BORCS5: variants seen among roughly 807,000 people sequenced by gnomAD.
BORCS5 encodes BLOC-1 related complex subunit 5, also known as BLOC-1-related complex subunit 5.
Under a neutral mutation model 22.1 loss-of-function variants are expected in BORCS5, and 17 were observed. The observed-to-expected ratio is 0.77, with a 90% CI of 0.53 to 1.15. The LOEUF is 1.15. Among genes scored for constraint, BORCS5 ranks in the 50% most tolerant of loss-of-function variants. BORCS5 has a pLI of 0.00. For synonymous variants in BORCS5, 117 were observed against 99.8 expected (o/e 1.17, Z -1.03); for missense variants, 247 against 253.2 (o/e 0.98, Z 0.17).
rs185496106 is a variant in BORCS5, at chr12:12,406,107, G to C, written c.203-29521G>C. 1.6e-3 allele frequency among the ~76,000 whole-genome samples: 239 copies of C among 152,350 alleles called. 2 individuals are homozygous for C. Among genetic ancestry groups the C allele is most frequent in the African/African-American group, 5.1e-3 (211 of 41,592 alleles). Reference sequence around the variant, plus strand: ...GTTTTACAGAAACTGCTGTCACCAAGGAATGTACTTCATGGAAGGCCCTAT... The same window carrying C: ...GTTTTACAGAAACTGCTGTCACCAACGAATGTACTTCATGGAAGGCCCTAT... On this transcript the variant is annotated intron_variant, in intron 2 of 3. Transcript: ENST00000314565.
At chr12:12,360,309 C>T (rs1374240225) in intron 1 of BORCS5, among the ~76,000 whole-genome samples, 1 of 152,206 alleles carries the variant, frequency 6.6e-6, no homozygotes, top group African/African-American at 2.4e-5. Context: ...TTGCAGTGAG[C>T]CGAGATTGCA....
chr12:12,439,304 G>C (rs1478276424), intron 3 of BORCS5, among the ~76,000 whole-genome samples: 2 of 152,108 alleles, frequency 1.3e-5, no homozygotes, highest in African/African-American at 4.8e-5. Flanking sequence ...AACCAGGGGA[G>C]AACCAGTGTT....
In BORCS5 at chr12:12,423,912, A is replaced by G. The variant is rs572990283; in HGVS notation, c.203-11716A>G. Among the ~76,000 whole-genome samples the G allele has an allele frequency of 2.0e-5, 3 of 152,078 alleles. No individual in the cohort carries two copies. The South Asian group carries it at 6.3e-4, about 32-fold the overall frequency. On this transcript the variant is annotated intron_variant, in intron 2 of 3. Transcript: ENST00000314565. ...GCCATGTTGCCCAGGCTGGTGTCAA[A>G]CTCCTGACCTCAAGTGATCTGCCCA...
At chr12:12,376,963 C>G (rs1190697421) in intron 2 of BORCS5, among the ~76,000 whole-genome samples, 1 of 152,118 alleles carries the variant, frequency 6.6e-6, no homozygotes, top group Non-Finnish European at 1.5e-5. Context: ...CAAGCACAAG[C>G]TGATTGGGAA....
intron 2 of BORCS5, among the ~76,000 whole-genome samples, chr12:12,389,468 A>T (rs1024630014): frequency 1.4e-5 from 2 of 144,552 alleles, no homozygotes; most frequent in Non-Finnish European, 3.1e-5. Flanking sequence ...CACATTTACA[A>T]TTCTAATTAG....
At position 12,470,757 on chromosome 12, in the gene BORCS5, T is replaced by C. The variant is rs920735390; in HGVS notation, c.*4981T>C. Among the ~76,000 whole-genome samples the C allele has an allele frequency of 1.3e-5, 2 of 151,776 alleles. No individual in the cohort carries two copies. Among genetic ancestry groups the C allele is most frequent in the Non-Finnish European group, 2.9e-5 (2 of 67,944 alleles). On this transcript the variant is annotated 3_prime_UTR_variant, in exon 4 of 4. Transcript: ENST00000314565. ...GAGGGAAAGGGTAGCCAGATAATTATCCACATGCTTCAAACCAAAAAGATA... is the reference window on the plus strand; with the variant it reads ...GAGGGAAAGGGTAGCCAGATAATTACCCACATGCTTCAAACCAAAAAGATA...
At chr12:12,390,979 G>C (rs924296042) in intron 2 of BORCS5, among the ~76,000 whole-genome samples, 1 of 151,966 alleles carries the variant, frequency 6.6e-6, no homozygotes, top group Non-Finnish European at 1.5e-5. Flanking sequence ...AAAAGTACAC[G>C]TTAAAAGGGG....
rs1478373880 is a variant in BORCS5 at position 12,468,790 on chromosome 12, G to A, written c.*3014G>A. 1 of 152,124 alleles carries A rather than the reference G, an allele frequency of 6.6e-6. No individual in the cohort carries two copies. The highest frequency in any genetic ancestry group is 2.4e-5 in the African/African-American group (1 of 41,414). The allele number at this position is 152,124 out of a possible 1,614,324, so 9.4% of individuals were successfully genotyped here. On this transcript the variant is annotated 3_prime_UTR_variant, in exon 4 of 4. Transcript: ENST00000314565. Reference sequence around the variant, plus strand: ...TGAACACAGTCAAATAGGCCTCTATGTGCAGTCTCCTGGTTTCCCTGGTCA... The same window carrying A: ...TGAACACAGTCAAATAGGCCTCTATATGCAGTCTCCTGGTTTCCCTGGTCA...
At chr12:12,389,803 C>G (rs1941122076) in intron 2 of BORCS5, among the ~76,000 whole-genome samples, 1 of 152,058 alleles carries the variant, frequency 6.6e-6, no homozygotes, top group African/African-American at 2.4e-5. Flanking sequence ...GCCGCCACAC[C>G]CAGCTAATTT....
intron 2 of BORCS5, among the ~76,000 whole-genome samples, chr12:12,372,878 C>T (rs988941982): frequency 6.6e-6 from 1 of 151,996 alleles, no homozygotes; most frequent in South Asian, 2.1e-4. Context: ...CAAGGCTGCC[C>T]CCTTCTCTCC....
chr12:12,468,911 T>C lies in BORCS5; in HGVS notation c.*3135T>C, dbSNP rs978251259. ...TATATGGTTTTATAGACCACACATA[T>C]ATAGTTTCCTGTGTCTTAGATGATA... On this transcript the variant is annotated 3_prime_UTR_variant, in exon 4 of 4. Coordinates refer to ENST00000314565, the MANE Select transcript of BORCS5 (RefSeq NM_058169.6). 2.6e-5 allele frequency: 4 copies of C among 152,198 alleles called. No individual in the cohort carries two copies. Among genetic ancestry groups the C allele is most frequent in the African/African-American group, 7.2e-5 (3 of 41,444 alleles). The allele number at this position is 152,198 out of a possible 1,614,324, so 9.4% of individuals were successfully genotyped here. A position where few individuals can be genotyped will look rare whatever the true frequency, so the allele number is the denominator to read the frequency against.
chr12:12,413,875 A>G (rs1376830183), intron 2 of BORCS5, among the ~76,000 whole-genome samples: 3 of 51,008 alleles, frequency 5.9e-5, no homozygotes, highest in African/African-American at 2.4e-4. Flanking sequence ...GTGGCTGGTC[A>G]GGCGGGGGGC....
At chr12:12,428,593 G>T (rs1942347300) in intron 2 of BORCS5, among the ~76,000 whole-genome samples, 1 of 152,150 alleles carries the variant, frequency 6.6e-6, no homozygotes, top group South Asian at 2.1e-4. Context: ...AAAACTGAAG[G>T]CAATGGCCCT....
At chr12:12,431,103 A>G (rs1217711830) in intron 2 of BORCS5, among the ~76,000 whole-genome samples, 3 of 152,204 alleles carry the variant, frequency 2.0e-5, no homozygotes, top group Non-Finnish European at 2.9e-5. Flanking sequence ...AAGCTGTTGC[A>G]TCAGAGGCTA....
chr12:12,426,007 C>G (rs1437994656), intron 2 of BORCS5, among the ~76,000 whole-genome samples: 1 of 152,164 alleles, frequency 6.6e-6, no homozygotes, highest in Non-Finnish European at 1.5e-5. Flanking sequence ...CCATAATACT[C>G]CTTTAATATG....
intron 2 of BORCS5, among the ~76,000 whole-genome samples, chr12:12,365,529 C>T (rs1033773237): frequency 6.6e-6 from 1 of 151,854 alleles, no homozygotes; most frequent in African/African-American, 2.4e-5. Flanking sequence ...TCATCCCCCC[C>T]ACCCCAACCC....
intron 3 of BORCS5, among the ~76,000 whole-genome samples, chr12:12,460,132 C>T (rs1486875268): frequency 6.6e-6 from 1 of 152,240 alleles, no homozygotes; most frequent in Non-Finnish European, 1.5e-5. Flanking sequence ...CGTGTTGAAT[C>T]TGACAATCCA....
chr12:12,420,259 C>T (rs1821820865), intron 2 of BORCS5, among the ~76,000 whole-genome samples: 1 of 151,976 alleles, frequency 6.6e-6, no homozygotes, highest in Admixed American at 6.6e-5. Context: ...CAGCTTTCTA[C>T]ATATGGCTAG....
At chr12:12,433,313 A>G (rs1344849084) in intron 2 of BORCS5, among the ~76,000 whole-genome samples, 1 of 119,782 alleles carries the variant, frequency 8.3e-6, no homozygotes, top group Non-Finnish European at 1.7e-5. Flanking sequence ...ACAGAGCGAG[A>G]CTGTGTCTCA....
Sources: allele counts gnomAD v4.1 joint callset (sites outside exome capture counted in the v4.1 genomes callset), GRCh38; gene constraint gnomAD v4.1.1; transcripts MANE v1.5; gene names NCBI Gene and HGNC (gene_info 2026-07-23, HGNC 2026-07-21).